PHF20L1: variants seen among roughly 807,000 people sequenced by gnomAD.
The protein encoded by PHF20L1 is PHD finger protein 20 like 1.
PHF20L1 carries 44 observed loss-of-function variants against 125.5 expected under a neutral mutation model. That is an observed-to-expected ratio of 0.35 (90% confidence interval 0.28 to 0.45). The LOEUF (loss-of-function observed/expected upper bound fraction) is 0.45, where lower values mean the gene tolerates loss of function less well. Among genes scored for constraint, PHF20L1 ranks in the 20% least tolerant of loss-of-function variants. The pLI is 1.00. For missense variants in PHF20L1, 1,012 were observed against 1,217.2 expected (o/e 0.83, Z 2.51); for synonymous variants, 380 against 403.1 (o/e 0.94, Z 0.69).
At chr8:132,787,986 G>T (rs1479726413) in intron 2 of PHF20L1, among the ~76,000 whole-genome samples, 2 of 151,910 alleles carry the variant, frequency 1.3e-5, no homozygotes, top group African/African-American at 4.8e-5. Flanking sequence ...GACTACCATA[G>T]TTATAGATGA....
intron 2 of PHF20L1, 111 bp from the exon 3 acceptor site, chr8:132,794,296 ATTG>A (rs971481681): frequency 1.8e-5 from 11 of 613,512 alleles, no homozygotes; most frequent in East Asian, 1.4e-4. Context: ...GGACGTATTT[ATTG>A]TTTTCTTCAT....
chr8:132,777,172 GTTAAA>G (rs1425744920), intron 1 of PHF20L1, among the ~76,000 whole-genome samples: 1 of 152,196 alleles, frequency 6.6e-6, no homozygotes, highest in Non-Finnish European at 1.5e-5. Context: ...AATACTGTAT[GTTAAA>G]TTAAAATTAT....
chr8:132,794,898 G>A (rs945075619), intron 4 of PHF20L1, 81 bp downstream of exon 4: 8 of 843,286 alleles, frequency 9.5e-6, no homozygotes, highest in Admixed American at 4.5e-5. Flanking sequence ...ATTAGTGTGT[G>A]TTATGTAATC....
At chr8:132,824,323 T>C in intron 13 of PHF20L1, 1 of 300,802 alleles carries the variant, frequency 3.3e-6, no homozygotes, top group South Asian at 1.5e-4. Context: ...GTCAAAATTA[T>C]GGCTATTCAA....
intron 17 of PHF20L1, chr8:132,838,590 G>A (rs1268742027): frequency 6.6e-6 from 1 of 152,032 alleles, no homozygotes; most frequent in African/African-American, 2.4e-5. Flanking sequence ...TCAAATAATA[G>A]GCATGTGGTG....
chr8:132,844,701 G>C (rs1004042503), intron 20 of PHF20L1, among the ~76,000 whole-genome samples: 4 of 152,074 alleles, frequency 2.6e-5, no homozygotes, highest in Non-Finnish European at 4.4e-5. Context: ...ACTTTGGTTA[G>C]CACTTGTTAA....
chr8:132,827,457 G>T (rs958069935), intron 14 of PHF20L1, among the ~76,000 whole-genome samples: 1 of 151,980 alleles, frequency 6.6e-6, no homozygotes, highest in African/African-American at 2.4e-5. Flanking sequence ...GTTATCTTAC[G>T]GCACAGCAAC....
chr8:132,816,219 T>A (rs1834967005), intron 10 of PHF20L1: 1 of 151,896 alleles, frequency 6.6e-6, no homozygotes, highest in South Asian at 2.1e-4. Flanking sequence ...TGCTAGAAGA[T>A]GCCTAAATTA....
At chr8:132,832,191 A>G (rs751572211) in intron 14 of PHF20L1, 44 bp from the exon 15 acceptor site, 7 of 1,228,442 alleles carry the variant, frequency 5.7e-6, no homozygotes, top group Non-Finnish European at 8.4e-6. Flanking sequence ...GACCTTAATT[A>G]TCTGACACTT....
intron 1 of PHF20L1, among the ~76,000 whole-genome samples, chr8:132,776,282 C>T (rs539054533): frequency 6.6e-6 from 1 of 152,226 alleles, no homozygotes; most frequent in Non-Finnish European, 1.5e-5. Flanking sequence ...CTCATTCAAT[C>T]CATCACTTAA....
chr8:132,790,302 A>G (rs1831533927), intron 2 of PHF20L1, among the ~76,000 whole-genome samples: 1 of 152,220 alleles, frequency 6.6e-6, no homozygotes, highest in Admixed American at 6.5e-5. Flanking sequence ...AAACATTACT[A>G]TGAGCCATCT....
intron 2 of PHF20L1, among the ~76,000 whole-genome samples, chr8:132,790,942 A>G (rs1403308373): frequency 6.6e-6 from 1 of 152,180 alleles, no homozygotes; most frequent in East Asian, 1.9e-4. Flanking sequence ...TGAAATAATC[A>G]CTTAGATGGG....
rs1156640228 is a variant in PHF20L1, at chr8:132,832,340, A to G, written c.1850A>G (p.Glu617Gly). 1 of 1,612,272 alleles carries G rather than the reference A, an allele frequency of 6.2e-7. No individual in the cohort carries two copies. Residue 617 changes from glutamate (E) to glycine (G), a missense_variant, in exon 15 of 21, where the codon GAG becomes GGG. Around this residue, in one of 7 missense-constraint regions of PHF20L1, gnomAD observed 320 missense variants for 293.8 expected, o/e 1.09. Transcript: ENST00000395386. Reference protein sequence around the residue: ...SSLASRSMFTEKTTTYQYPRA... With the variant: ...SSLASRSMFTGKTTTYQYPRA... ...CTGGCTTCACGAAGCATGTTTACGG[A>G]GAAAACTACAACCTATCAGTACCCA...
intron 8 of PHF20L1, 82 bp downstream of exon 8, chr8:132,804,822 G>A: frequency 1.6e-6 from 2 of 1,266,584 alleles, no homozygotes; most frequent in Non-Finnish European, 2.2e-6. Context: ...GAAGTAAAAT[G>A]GTTTTGATTT....
In PHF20L1 at chr8:132,842,638, A is replaced by G. The variant is rs1838048349; in HGVS notation, c.2511A>G (p.Lys837=). 12 of 1,613,272 alleles carry G rather than the reference A, an allele frequency of 7.4e-6. No individual in the cohort carries two copies. Among genetic ancestry groups the G allele is most frequent in the East Asian group, 2.2e-5 (1 of 44,826 alleles). ...AQDTVNREEK[K]YVQNHKEPPR... Reference sequence around the variant, plus strand: ...ACACAGTTAATCGAGAAGAAAAGAAATATGTACAGAACCATAAAGAACCAC... The same window carrying G: ...ACACAGTTAATCGAGAAGAAAAGAAGTATGTACAGAACCATAAAGAACCAC... Residue 837 remains lysine, a synonymous_variant, in exon 19 of 21, where the codon AAA becomes AAG. Coordinates refer to ENST00000395386, the MANE Select transcript of PHF20L1 (RefSeq NM_016018.5).
intron 9 of PHF20L1, 104 bp downstream of exon 9, chr8:132,811,232 A>C (rs1236898522): frequency 6.5e-6 from 10 of 1,530,624 alleles, no homozygotes; most frequent in Non-Finnish European, 8.8e-6. Flanking sequence ...AGATATGGGA[A>C]TAGGAAGCTA....
At chr8:132,794,932 C>T in intron 4 of PHF20L1, 115 bp downstream of exon 4, 2 of 652,644 alleles carry the variant, frequency 3.1e-6, no homozygotes, top group Non-Finnish European at 5.2e-6. Flanking sequence ...TTTATATTTT[C>T]TGTAAGTATT....
At chr8:132,777,166 C>G (rs558155165) in intron 1 of PHF20L1, among the ~76,000 whole-genome samples, 1 of 152,280 alleles carries the variant, frequency 6.6e-6, no homozygotes, top group African/African-American at 2.4e-5. Context: ...TTTTGTAATA[C>G]TGTATGTTAA....
At chr8:132,801,801 G>T (rs944143252) in intron 6 of PHF20L1, among the ~76,000 whole-genome samples, 1 of 151,632 alleles carries the variant, frequency 6.6e-6, no homozygotes, top group African/African-American at 2.4e-5. Context: ...AACAGTGGGA[G>T]AATTCTTTAA....
Sources: allele counts gnomAD v4.1 joint callset (sites outside exome capture counted in the v4.1 genomes callset), GRCh38; gene constraint gnomAD v4.1.1; regional missense constraint gnomAD v4.1.1; transcripts MANE v1.5; gene names NCBI Gene and HGNC (gene_info 2026-07-23, HGNC 2026-07-21).